Variants in SPINK5 observed in about 807,000 individuals in gnomAD.
The protein encoded by SPINK5 is serine protease inhibitor Kazal-type 5.
In SPINK5, 125 loss-of-function variants were observed where a neutral mutation model predicts 151.8. The ratio of observed to expected loss-of-function variants is 0.82; its 90% CI spans 0.71 to 0.96. The LOEUF is 0.96. Among genes scored for constraint, SPINK5 ranks in the 40% least tolerant of loss-of-function variants. SPINK5 has a pLI of 0.00. For missense variants in SPINK5, 1,194 were observed against 1,291.9 expected (o/e 0.92, Z 1.16); for synonymous variants, 374 against 395.3 (o/e 0.95, Z 0.64).
intron 26 of SPINK5, 56 bp downstream of exon 26, chr5:148,120,447 AT>A (rs1754228145): frequency 6.5e-7 from 1 of 1,543,784 alleles, no homozygotes; most frequent in Admixed American, 1.9e-5. Flanking sequence ...TGTATGGTAT[AT>A]TTATTCAACA....
chr5:148,065,252 T>G, intron 1 of SPINK5, 95 bp from the exon 2 acceptor site: 1 of 1,354,748 alleles, frequency 7.4e-7, no homozygotes, highest in Non-Finnish European at 1.0e-6. Flanking sequence ...ATATTGTCAT[T>G]AAAGCAATCA....
chr5:148,115,497 G>A (rs1754061906), intron 21 of SPINK5, among the ~76,000 whole-genome samples: 1 of 152,150 alleles, frequency 6.6e-6, no homozygotes, highest in African/African-American at 2.4e-5. Context: ...AGAGGGAGGA[G>A]CTGCAATAAA....
chr5:148,089,282 C>G, intron 6 of SPINK5: 2 of 646,482 alleles, frequency 3.1e-6, no homozygotes, highest in East Asian at 3.3e-5. Context: ...AGTAGGTTAT[C>G]TGTTTACTAA....
intron 20 of SPINK5, 132 bp from the exon 21 acceptor site, chr5:148,114,230 A>T: frequency 9.6e-7 from 1 of 1,044,094 alleles, no homozygotes; most frequent in Non-Finnish European, 1.3e-6. Context: ...ATTGAACACT[A>T]TAACTGCCAG....
intron 22 of SPINK5, among the ~76,000 whole-genome samples, chr5:148,118,236 C>T (rs564900766): frequency 2.8e-4 from 42 of 152,294 alleles, no homozygotes; most frequent in Middle Eastern, 3.4e-3. Context: ...CCAGGCTGGT[C>T]TTGAACTCCT....
At chr5:148,111,622 T>C in intron 18 of SPINK5, 146 bp from the exon 19 acceptor site, 1 of 1,178,772 alleles carries the variant, frequency 8.5e-7, no homozygotes, top group East Asian at 2.6e-5. Flanking sequence ...CCTAGTTCTC[T>C]GAAAAGCATT....
chr5:148,098,175 C>T (rs200162199), intron 11 of SPINK5, among the ~76,000 whole-genome samples, 181 bp downstream of exon 11: 8 of 152,050 alleles, frequency 5.3e-5, no homozygotes, highest in East Asian at 1.9e-4. Flanking sequence ...TGTTTTAAGA[C>T]GCCTTGTTCC....
At position 148,101,344 on chromosome 5, in the gene SPINK5, T is replaced by A. The variant is rs1411550998; in HGVS notation, c.1221-11T>A. 2 of 1,590,776 alleles carry A rather than the reference T, an allele frequency of 1.3e-6. No individual in the cohort carries two copies. The highest frequency in any genetic ancestry group is 3.3e-5 in the Admixed American group (2 of 59,826). Reference sequence around the variant, plus strand: ...ATTTTTACTTATCTCTTCTTAACCATCCTTTTTTAGCCAAGCAGAAGAAGA... The same window carrying A: ...ATTTTTACTTATCTCTTCTTAACCAACCTTTTTTAGCCAAGCAGAAGAAGA... On this transcript the variant is annotated splice_polypyrimidine_tract_variant and intron_variant, in intron 13 of 32. Coordinates refer to ENST00000256084, the MANE Select transcript of SPINK5 (RefSeq NM_006846.4).
chr5:148,100,387 A>G, intron 12 of SPINK5, 67 bp from the exon 13 acceptor site: 2 of 1,512,994 alleles, frequency 1.3e-6, no homozygotes, highest in Non-Finnish European at 1.8e-6. Context: ...GCCAATGTAG[A>G]TGTTTGAACC....
At chr5:148,122,001 AGTGTGT>A (rs35297940) in intron 26 of SPINK5, among the ~76,000 whole-genome samples, 12 of 148,492 alleles carry the variant, frequency 8.1e-5, no homozygotes, top group African/African-American at 2.7e-4. Flanking sequence ...ATTGTGTGTG[AGTGTGT>A]GTGTGTGTGT....
At position 148,118,983 on chromosome 5, in the gene SPINK5, C is replaced by T; in HGVS notation, c.2241-3C>T. The T allele has an allele frequency of 1.2e-6, 2 of 1,613,754 alleles. No homozygotes were observed. The highest frequency in any genetic ancestry group is 1.7e-6 in the Non-Finnish European group (2 of 1,179,790). ...GATGAATATTCACTTTTTTCTCCTC[C>T]AGGGAAAGAGAAGCAGAGAGAAAAA... On this transcript the variant is annotated splice_region_variant and splice_polypyrimidine_tract_variant and intron_variant, in intron 23 of 32. Coordinates refer to ENST00000256084, the MANE Select transcript of SPINK5 (RefSeq NM_006846.4).
chr5:148,116,785 T>G (rs1437050046), intron 22 of SPINK5, among the ~76,000 whole-genome samples: 1 of 152,230 alleles, frequency 6.6e-6, no homozygotes, highest in Non-Finnish European at 1.5e-5. Context: ...CTTTCATTAT[T>G]CTTTCTTGCC....
rs759079847 is a variant in SPINK5 at position 148,104,942 on chromosome 5, T to G, written c.1431-10T>G. The G allele has an allele frequency of 7.7e-5, 124 of 1,609,926 alleles. No homozygotes were observed. Among genetic ancestry groups the G allele is most frequent in the Non-Finnish European group, 7.2e-5 (85 of 1,178,554 alleles). ...ATTTCTTCTCTCTTTTTCTTTTCGG[T>G]TTCTTAAAGTCAACAAGAAGAAAGA... On this transcript the variant is annotated splice_polypyrimidine_tract_variant and intron_variant, in intron 15 of 32. Coordinates refer to ENST00000256084, the MANE Select transcript of SPINK5 (RefSeq NM_006846.4).
rs116115934 is a variant in SPINK5, at chr5:148,092,742, C to G, written c.666+1514C>G. On this transcript the variant is annotated intron_variant, in intron 8 of 32. Transcript: ENST00000256084. Reference sequence around the variant, plus strand: ...ATTTTTTATACCATGCTATGATTATCAGGTGACTGTCTTCTGCTTCTCTAT... The same window carrying G: ...ATTTTTTATACCATGCTATGATTATGAGGTGACTGTCTTCTGCTTCTCTAT... Among the ~76,000 whole-genome samples the G allele has an allele frequency of 2.6e-3, 397 of 152,044 alleles. 1 individual carries two copies. Among genetic ancestry groups the G allele is most frequent in the African/African-American group, 9.1e-3 (379 of 41,522 alleles).
chr5:148,106,348 G>T (rs1021985617), intron 16 of SPINK5, among the ~76,000 whole-genome samples: 1 of 151,654 alleles, frequency 6.6e-6, no homozygotes, highest in African/African-American at 2.4e-5. Flanking sequence ...TTTGAGTCAG[G>T]TCTTACTTTG....
rs755387017 is a variant in SPINK5 at position 148,101,479 on chromosome 5, A to C, written c.1302+43A>C. 6.3e-6 allele frequency: 9 copies of C among 1,421,686 alleles called. No homozygotes were observed. The South Asian group carries it at 8.0e-5, about 13-fold the overall frequency. 88.1% of individuals were successfully genotyped at this position (1,421,686 alleles called of 1,614,324 possible). ...AGCAACTCAGAGGGATATGGCCCTG[A>C]GGATCCACAGATCATGTTCAGGGAA... On this transcript the variant is annotated intron_variant, in intron 14 of 32. Coordinates refer to ENST00000256084, the MANE Select transcript of SPINK5 (RefSeq NM_006846.4).
intron 4 of SPINK5, among the ~76,000 whole-genome samples, chr5:148,072,688 A>C (rs1408559605): frequency 6.7e-6 from 1 of 148,956 alleles, no homozygotes; most frequent in Non-Finnish European, 1.5e-5. Flanking sequence ...TCAGGGTTTA[A>C]CATGTTCTAG....
chr5:148,127,541 G>C (rs918622559), intron 30 of SPINK5, among the ~76,000 whole-genome samples: 2 of 152,066 alleles, frequency 1.3e-5, no homozygotes, highest in African/African-American at 4.8e-5. Context: ...ATTCGCAGTA[G>C]CTAAAGCTTC....
chr5:148,124,918 A>G, intron 28 of SPINK5, 81 bp downstream of exon 28: 1 of 1,378,298 alleles, frequency 7.3e-7, no homozygotes, highest in South Asian at 1.9e-5. Context: ...TTTGGGAATA[A>G]TAAATATATT....
Sources: gnomAD v4.1 joint callset for allele counts (sites outside exome capture counted in the v4.1 genomes callset) on GRCh38, gnomAD v4.1.1 for gene constraint, MANE v1.5 for transcripts, NCBI Gene and HGNC (gene_info 2026-07-23, HGNC 2026-07-21) for gene names.